The following WFS1 variants were observed in gnomAD, a reference collection of about 807,000 sequenced individuals.
The protein encoded by WFS1 is wolframin ER transmembrane glycoprotein.
WFS1 carries 90 observed loss-of-function variants against 68.5 expected under a neutral mutation model. The observed-to-expected ratio is 1.31, with a 90% CI of 1.11 to 1.56. The LOEUF (loss-of-function observed/expected upper bound fraction) is 1.56, where lower values mean the gene tolerates loss of function less well. WFS1 is among the 40% of genes most tolerant of loss of function. The pLI is 0.00. For synonymous variants in WFS1, 860 were observed against 540.7 expected (o/e 1.59, Z -8.19); for missense variants, 1,767 against 1,232.6 (o/e 1.43, Z -6.49).
chr4:6,300,657 G>C lies in WFS1; in HGVS notation c.862G>C (p.Val288Leu). The C allele has an allele frequency of 1.2e-6, 2 of 1,613,984 alleles. No homozygotes were observed. Among genetic ancestry groups the C allele is most frequent in the Middle Eastern group, 1.6e-4 (1 of 6,062 alleles). ...TTCCCACGTACCATCTTTCCCCCAG[G>C]TGGTCAAGTACCCCCTGCACGCCAT... Reference protein sequence around the residue: ...SPEDLPLRLKVVKYPLHAIME... With the variant: ...SPEDLPLRLKLVKYPLHAIME... Residue 288 changes from valine (V) to leucine (L), a missense_variant and splice_region_variant, in exon 8 of 8, where the codon GTG (valine) becomes CTG (leucine). Physicochemically the swap from Val to Leu is conservative, Grantham distance 32. Coordinates refer to ENST00000226760, the MANE Select transcript of WFS1 (RefSeq NM_006005.3).
At chr4:6,294,953 C>A in intron 6 of WFS1, 88 bp from the exon 7 acceptor site, 1 of 1,602,990 alleles carries the variant, frequency 6.2e-7, no homozygotes, top group African/African-American at 1.3e-5. Flanking sequence ...CTTGGCCCCA[C>A]GCCACCGTCC....
chr4:6,302,755 C>T lies in WFS1; in HGVS notation c.*287C>T. 1.3e-5 allele frequency: 7 copies of T among 537,964 alleles called. No homozygotes were observed. The South Asian group carries it at 1.4e-4, about 11-fold the overall frequency. The allele number at this position is 537,964 out of a possible 1,614,324, so 33.3% of individuals were successfully genotyped here. A position where few individuals can be genotyped will look rare whatever the true frequency, so the allele number is the denominator to read the frequency against. ...GTGTGCCAGGCTAGACTAGGAGGTT[C>T]CGGTGTCTGGAAAAGCACTTTACAG... On this transcript the variant is annotated 3_prime_UTR_variant, in exon 8 of 8. Coordinates refer to ENST00000226760, the MANE Select transcript of WFS1 (RefSeq NM_006005.3).
intron 1 of WFS1, among the ~76,000 whole-genome samples, chr4:6,276,571 A>G (rs1730000188): frequency 6.6e-6 from 1 of 152,052 alleles, no homozygotes; most frequent in Non-Finnish European, 1.5e-5. Flanking sequence ...AGATCTGGGT[A>G]TGAATCCCAG....
chr4:6,280,256 A>G (rs577950780), intron 2 of WFS1, among the ~76,000 whole-genome samples: 12 of 152,258 alleles, frequency 7.9e-5, no homozygotes, highest in Non-Finnish European at 1.5e-4. Flanking sequence ...CAGCAGCCCA[A>G]GTGATGTGCC....
chr4:6,282,086 G>T (rs1214771035), intron 2 of WFS1, among the ~76,000 whole-genome samples: 2 of 152,336 alleles, frequency 1.3e-5, no homozygotes, highest in Middle Eastern at 3.4e-3. Context: ...TCAGTTTGGT[G>T]CCCTCGGCTA....
chr4:6,287,955 G>A lies in WFS1; in HGVS notation c.315+780G>A, dbSNP rs1210498522. Among the ~76,000 whole-genome samples, 9 of 152,288 alleles carry A rather than the reference G, an allele frequency of 5.9e-5. No homozygotes were observed. The highest frequency in any genetic ancestry group is 1.9e-4 in the African/African-American group (8 of 41,572). The stretch of plus-strand genomic sequence containing the variant: ...TTTCTGGCTGGGAGCGGTGGCTCAC[G>A]CCTGTAATCCCAGCACTTTGGGAGG... On this transcript the variant is annotated intron_variant, in intron 3 of 7. Transcript: ENST00000226760. The surrounding 1 kb of genome is among the most constrained non-coding windows in gnomAD (Gnocchi z 6.4).
intron 1 of WFS1, among the ~76,000 whole-genome samples, 185 bp from the exon 2 acceptor site, chr4:6,277,266 C>T (rs558540471): frequency 3.2e-4 from 48 of 152,356 alleles, no homozygotes; most frequent in African/African-American, 1.1e-3. Context: ...TGAGTGTCCT[C>T]CCATGGTTTC....
intron 7 of WFS1, among the ~76,000 whole-genome samples, 165 bp from the exon 8 acceptor site, chr4:6,300,492 C>T (rs1324761316): frequency 2.6e-5 from 4 of 151,504 alleles, no homozygotes; most frequent in African/African-American, 4.9e-5. Flanking sequence ...GGGAGGGCCA[C>T]CTGGAGAAGG....
chr4:6,300,222 G>A (rs767413740), intron 7 of WFS1, among the ~76,000 whole-genome samples: 1 of 152,142 alleles, frequency 6.6e-6, no homozygotes, highest in Non-Finnish European at 1.5e-5. Context: ...GCTCAGGGAG[G>A]TGACATCCTT....
chr4:6,275,232 T>A (rs1372099072), intron 1 of WFS1, among the ~76,000 whole-genome samples: 5 of 152,194 alleles, frequency 3.3e-5, no homozygotes, highest in African/African-American at 1.2e-4. Context: ...AAGTGACACC[T>A]GACTTCGGGG....
intron 2 of WFS1, among the ~76,000 whole-genome samples, chr4:6,279,244 G>A (rs1482120090): frequency 6.6e-6 from 1 of 152,222 alleles, no homozygotes; most frequent in African/African-American, 2.4e-5. Context: ...AACATAGGTG[G>A]GTGAGCATCA....
rs141669724 is a variant in WFS1 at position 6,302,261 on chromosome 4, C to T, written c.2466C>T (p.Leu822=). 27 of 1,604,954 alleles carry T rather than the reference C, an allele frequency of 1.7e-5. No homozygotes were observed. The highest frequency in any genetic ancestry group is 8.4e-5 in the Admixed American group (5 of 59,836). Residue 822 remains leucine, a synonymous_variant, in exon 8 of 8, where the codon CTC becomes CTT. Coordinates refer to ENST00000226760, the MANE Select transcript of WFS1 (RefSeq NM_006005.3). ...SVLLSLRQGS[L]IEFSTILEGR... Reference sequence around the variant, plus strand: ...TGCTCAGCCTGCGCCAGGGCAGCCTCATCGAGTTCAGCACCATCCTGGAGG... The same window carrying T: ...TGCTCAGCCTGCGCCAGGGCAGCCTTATCGAGTTCAGCACCATCCTGGAGG...
rs139040290 is a variant in WFS1, at chr4:6,301,718, G to A, written c.1923G>A (p.Thr641=). The A allele has an allele frequency of 2.4e-4, 383 of 1,614,034 alleles. No individual in the cohort carries two copies. Among genetic ancestry groups the A allele is most frequent in the Non-Finnish European group, 3.0e-4 (354 of 1,180,046 alleles). The change falls in exon 8 of 8, where the codon ACG becomes ACA. Residue 641 remains threonine, a synonymous_variant. Coordinates refer to ENST00000226760, the MANE Select transcript of WFS1 (RefSeq NM_006005.3). ...SMVKLILVWL[T]AIVLFCWFYV... ...TCAAGCTCATCCTGGTGTGGCTCAC[G>A]GCCATCGTGCTGTTCTGCTGGTTCT...
In WFS1 at chr4:6,291,857, C is replaced by G. The variant is rs867092384; in HGVS notation, c.632-60C>G. On this transcript the variant is annotated intron_variant, in intron 5 of 7. Coordinates refer to ENST00000226760, the MANE Select transcript of WFS1 (RefSeq NM_006005.3). ...GAACAGTGCGCCAGTTTCTGGTGGG[C>G]TGCAGGGCACGAGGAGATAGTCAAC... 34 of 1,528,680 alleles carry G rather than the reference C, an allele frequency of 2.2e-5. No homozygotes were observed. The Middle Eastern group carries it at 1.2e-3, about 54-fold the overall frequency. The allele number at this position is 1,528,680 out of a possible 1,614,324, so 94.7% of individuals were successfully genotyped here. A position where few individuals can be genotyped will look rare whatever the true frequency, so the allele number is the denominator to read the frequency against.
Position 6,273,435 on chromosome 4 carries a change from G to T in WFS1, c.-6+3421G>T, listed in dbSNP as rs188913492. ...TTGGGGCTGAGTGCCCCACCGTGCA[G>T]GTGGGGATCTGAGGGTGCAGAGTGG... is the stretch of plus-strand genomic sequence containing the variant. On this transcript the variant is annotated intron_variant, in intron 1 of 7. Transcript: ENST00000226760. Among the ~76,000 whole-genome samples the T allele has an allele frequency of 8.5e-4, 130 of 152,372 alleles. 2 individuals carry two copies. Among genetic ancestry groups the T allele is most frequent in the South Asian group, 7.9e-3 (38 of 4,834 alleles).
At chr4:6,289,693 G>A (rs952636310) in intron 4 of WFS1, among the ~76,000 whole-genome samples, 2 of 152,222 alleles carry the variant, frequency 1.3e-5, no homozygotes, top group Non-Finnish European at 2.9e-5. Flanking sequence ...GTTGTCCTGC[G>A]CAAGGGAAGT....
Position 6,291,416 on chromosome 4 carries a change from C to G in WFS1, c.631+49C>G, listed in dbSNP as rs776440554. On this transcript the variant is annotated intron_variant, in intron 5 of 7. Coordinates refer to ENST00000226760, the MANE Select transcript of WFS1 (RefSeq NM_006005.3). ...CAGCCTTCCCTGGGCGCCAGCCTTCCCACAGGAGCCAGGACCTTCCCATAG... is the reference window on the plus strand; with the variant it reads ...CAGCCTTCCCTGGGCGCCAGCCTTCGCACAGGAGCCAGGACCTTCCCATAG... 2.5e-6 allele frequency: 4 copies of G among 1,600,238 alleles called. No homozygotes were observed. The South Asian group carries it at 4.4e-5, about 18-fold the overall frequency.
At chr4:6,292,331 G>A (rs1463598873) in intron 6 of WFS1, among the ~76,000 whole-genome samples, 2 of 152,130 alleles carry the variant, frequency 1.3e-5, no homozygotes, top group Non-Finnish European at 2.9e-5. Flanking sequence ...TGGCGGGGGG[G>A]TCCTGAGTGG....
rs77319729 is a variant in WFS1 at position 6,283,194 on chromosome 4, C to T, written c.233-3899C>T. On this transcript the variant is annotated intron_variant, in intron 2 of 7. Coordinates refer to ENST00000226760, the MANE Select transcript of WFS1 (RefSeq NM_006005.3). The surrounding 1 kb of genome is among the most constrained non-coding windows in gnomAD (Gnocchi z 5.0). ...CCATGAATCTCTCAAATCCATAGGG[C>T]CCGTGCATGACAAATAATTAAAAAG... Among the ~76,000 whole-genome samples, 1 of 152,122 alleles carries T rather than the reference C, an allele frequency of 6.6e-6. No homozygotes were observed. Among genetic ancestry groups the T allele is most frequent in the Admixed American group, 6.5e-5 (1 of 15,272 alleles).
Sources: allele counts gnomAD v4.1 joint callset (sites outside exome capture counted in the v4.1 genomes callset), GRCh38; gene constraint gnomAD v4.1.1; non-coding constraint Gnocchi (gnomAD v3.1); transcripts MANE v1.5; gene names NCBI Gene and HGNC (gene_info 2026-07-23, HGNC 2026-07-21).